ITGB1: variants seen among roughly 807,000 people sequenced by gnomAD.
The protein encoded by ITGB1 is integrin beta-1.
Under a neutral mutation model 86.5 loss-of-function variants are expected in ITGB1, and 24 were observed. The ratio of observed to expected loss-of-function variants is 0.28; its 90% CI spans 0.20 to 0.39. The LOEUF is 0.39. Ranked by LOEUF, ITGB1 falls within the 10% of genes least tolerant of loss-of-function variation. The pLI is 1.00. For missense variants in ITGB1, 556 were observed against 946.9 expected (o/e 0.59, Z 5.42); for synonymous variants, 323 against 316.8 (o/e 1.02, Z -0.21).
At chr10:32,908,134 C>G (rs1278895020) in intron 15 of ITGB1, among the ~76,000 whole-genome samples, 1 of 152,132 alleles carries the variant, frequency 6.6e-6, no homozygotes, top group Non-Finnish European at 1.5e-5. Context: ...AATAAAAATA[C>G]TGGCCACAGT....
chr10:32,944,634 A>G (rs2095027042), intron 1 of ITGB1: 1 of 607,784 alleles, frequency 1.6e-6, no homozygotes, highest in Non-Finnish European at 3.2e-6. Flanking sequence ...AATCTCACTT[A>G]GTATAGCTAG....
Position 32,912,252 on chromosome 10 carries a change from T to C in ITGB1, c.1470-128A>G. 4.1e-6 allele frequency: 3 copies of C among 726,478 alleles called. No homozygotes were observed. The East Asian group carries it at 8.0e-5, about 19-fold the overall frequency. The allele number at this position is 726,478 out of a possible 1,614,324, so 45.0% of individuals were successfully genotyped here. On this transcript the variant is annotated intron_variant, in intron 11 of 15. Coordinates refer to ENST00000302278, the MANE Select transcript of ITGB1 (RefSeq NM_002211.4). ...AGCGACACAGAAGACAGGTGGTTTC[T>C]GCATTTCCAACTGAGGTACTGGGTT...
intron 1 of ITGB1, 67 bp from the exon 2 acceptor site, chr10:32,935,625 G>A: frequency 8.9e-7 from 1 of 1,120,422 alleles, no homozygotes; most frequent in African/African-American, 1.6e-5. Flanking sequence ...TAAATAGAAA[G>A]TATTACCCCA....
At chr10:32,949,671 G>A (rs2095038929) in intron 1 of ITGB1, among the ~76,000 whole-genome samples, 1 of 152,092 alleles carries the variant, frequency 6.6e-6, no homozygotes, top group African/African-American at 2.4e-5. Flanking sequence ...TCATTTTAGT[G>A]GTTAACCCAA....
chr10:32,935,783 C>A, intron 1 of ITGB1: 1 of 420,866 alleles, frequency 2.4e-6, no homozygotes, highest in South Asian at 4.7e-5. Flanking sequence ...ACCAGAGCCC[C>A]AGAATCCATT....
At chr10:32,952,628 G>T (rs565493955) in intron 1 of ITGB1, among the ~76,000 whole-genome samples, 7 of 152,104 alleles carry the variant, frequency 4.6e-5, no homozygotes, top group Non-Finnish European at 1.0e-4. Context: ...CATTTATACA[G>T]AAAAATGTGA....
chr10:32,950,587 A>G (rs2095040758), intron 1 of ITGB1, among the ~76,000 whole-genome samples: 1 of 152,210 alleles, frequency 6.6e-6, no homozygotes, highest in Admixed American at 6.5e-5. Context: ...ATGAAAGAGA[A>G]GAGGCTAAGG....
At chr10:32,956,732 T>C (rs2095053058) in intron 1 of ITGB1, among the ~76,000 whole-genome samples, 2 of 152,110 alleles carry the variant, frequency 1.3e-5, no homozygotes, top group African/African-American at 4.8e-5. Context: ...CTAGTAATTC[T>C]ACCCACCTAA....
chr10:32,940,491 C>A (rs1427080749), intron 1 of ITGB1, among the ~76,000 whole-genome samples: 1 of 152,122 alleles, frequency 6.6e-6, no homozygotes, highest in African/African-American at 2.4e-5. Flanking sequence ...ACCAGCATCA[C>A]CACAAACATG....
chr10:32,954,463 A>G (rs184244994), intron 1 of ITGB1, among the ~76,000 whole-genome samples: 192 of 152,294 alleles, frequency 1.3e-3, no homozygotes, highest in Non-Finnish European at 2.2e-3. Flanking sequence ...ACTCACCTTT[A>G]TCAGCAAAAA....
At chr10:32,929,783 A>G in intron 4 of ITGB1, 39 bp downstream of exon 4, 1 of 1,192,604 alleles carries the variant, frequency 8.4e-7, no homozygotes, top group South Asian at 1.2e-5. Flanking sequence ...GAATGCCTCA[A>G]GTAAACACGC....
chr10:32,920,888 CAGA>C (rs1328342173), intron 9 of ITGB1, among the ~76,000 whole-genome samples: 3 of 151,580 alleles, frequency 2.0e-5, no homozygotes, highest in Admixed American at 6.6e-5. Flanking sequence ...GAGGCTGAGA[CAGA>C]AGAATCGCCT....
Position 32,922,748 on chromosome 10 carries a change from G to A in ITGB1, c.943-13C>T, listed in dbSNP as rs779481116. 3.5e-6 allele frequency: 5 copies of A among 1,445,844 alleles called. No individual in the cohort carries two copies. The highest frequency in any genetic ancestry group is 2.4e-5 in the South Asian group (2 of 83,964). 89.6% of individuals were successfully genotyped at this position (1,445,844 alleles called of 1,614,324 possible). On this transcript the variant is annotated splice_polypyrimidine_tract_variant and intron_variant, in intron 7 of 15. Coordinates refer to ENST00000302278, the MANE Select transcript of ITGB1 (RefSeq NM_002211.4). Reference sequence around the variant, plus strand: ...TAGAAGGATAATCCTAAGAAATCAAGTAATATAATTTAGTATTTAAATACA... The same window carrying A: ...TAGAAGGATAATCCTAAGAAATCAAATAATATAATTTAGTATTTAAATACA...
At position 32,908,482 on chromosome 10, in the gene ITGB1, T is replaced by G; in HGVS notation, c.2217A>C (p.Gly739=). 1 of 1,613,496 alleles carries G rather than the reference T, an allele frequency of 6.2e-7. No homozygotes were observed. ...GTAATGCAAGGCCAATAAGAACAATTCCAGCAACCACACCAGCTACAATTG... is the reference window on the plus strand; with the variant it reads ...GTAATGCAAGGCCAATAAGAACAATGCCAGCAACCACACCAGCTACAATTG... ...IIPIVAGVVA[G]IVLIGLALLL... Residue 739 remains glycine (G), a synonymous_variant, in exon 15 of 16, where the codon GGA becomes GGC. Coordinates refer to ENST00000302278, the MANE Select transcript of ITGB1 (RefSeq NM_002211.4).
Position 32,922,184 on chromosome 10 carries a change from G to A in ITGB1, c.1128+73C>T, listed in dbSNP as rs1374664742. 5 of 966,598 alleles carry A rather than the reference G, an allele frequency of 5.2e-6. No individual in the cohort carries two copies. In the East Asian group the frequency reaches 1.1e-4, roughly 21 times the overall value. 59.9% of individuals were successfully genotyped at this position (966,598 alleles called of 1,614,324 possible). ...GCTCGCTAAAGTGTGTATGAAGGAA[G>A]TTTTACTTTCTTTGTACAAAGTATT... On this transcript the variant is annotated intron_variant, in intron 9 of 15. Transcript: ENST00000302278.
At chr10:32,936,853 A>C (rs994327089) in intron 1 of ITGB1, among the ~76,000 whole-genome samples, 1 of 152,230 alleles carries the variant, frequency 6.6e-6, no homozygotes, top group Non-Finnish European at 1.5e-5. Context: ...GCAAATTTAT[A>C]CAAAAAAAGT....
In ITGB1 at chr10:32,955,060, C is replaced by G. The variant is rs548892908; in HGVS notation, c.-1+3085G>C. 1.4e-4 allele frequency among the ~76,000 whole-genome samples: 21 copies of G among 152,298 alleles called. No homozygotes were observed. The East Asian group carries it at 3.1e-3, about 22-fold the overall frequency. The stretch of plus-strand genomic sequence containing the variant: ...ATTCTGACTTTTACGGACTGTACCC[C>G]CTTTAAGCTGGGTACATACCATAAT... On this transcript the variant is annotated intron_variant, in intron 1 of 15. Coordinates refer to ENST00000302278, the MANE Select transcript of ITGB1 (RefSeq NM_002211.4).
intron 6 of ITGB1, among the ~76,000 whole-genome samples, chr10:32,924,454 G>C (rs1326480277): frequency 6.6e-6 from 1 of 152,114 alleles, no homozygotes; most frequent in Non-Finnish European, 1.5e-5. Flanking sequence ...CGTCTGTTTA[G>C]ATCTTCATAA....
rs1466686305 is a variant in ITGB1, at chr10:32,952,837, T to C, written c.-1+5308A>G. ...CTCTGTGGTTCCAAAACAGCTTTGA[T>C]AGTGCCCAGCAGAGTGAATGACAAA... is the stretch of plus-strand genomic sequence containing the variant. On this transcript the variant is annotated intron_variant, in intron 1 of 15. Transcript: ENST00000302278. Among the ~76,000 whole-genome samples the C allele has an allele frequency of 2.0e-5, 3 of 152,180 alleles. 1 individual carries two copies. The highest frequency in any genetic ancestry group is 2.9e-5 in the Non-Finnish European group (2 of 68,034).
Sources: allele counts gnomAD v4.1 joint callset (sites outside exome capture counted in the v4.1 genomes callset), GRCh38; gene constraint gnomAD v4.1.1; transcripts MANE v1.5; gene names NCBI Gene and HGNC (gene_info 2026-07-23, HGNC 2026-07-21).